Variants in SYNE2 observed in about 807,000 individuals in gnomAD.
The protein encoded by SYNE2 is nesprin-2.
SYNE2 carries 431 observed loss-of-function variants against 856.3 expected under a neutral mutation model. The ratio of observed to expected loss-of-function variants is 0.50; its 90% CI spans 0.47 to 0.55. The LOEUF is 0.55. Ranked by LOEUF, SYNE2 falls within the 20% of genes least tolerant of loss-of-function variation. The probability of loss-of-function intolerance (pLI) is 0.00; values close to 1 mark genes in which losing one functional copy is unlikely to be tolerated. For missense variants in SYNE2, 8,129 were observed against 8,023.2 expected (o/e 1.01, Z -0.50); for synonymous variants, 2,923 against 2,872.3 (o/e 1.02, Z -0.56).
At chr14:63,839,241 G>A (rs758672232) in intron 1 of SYNE2, among the ~76,000 whole-genome samples, 2 of 151,870 alleles carry the variant, frequency 1.3e-5, no homozygotes, top group Non-Finnish European at 2.9e-5. Flanking sequence ...GTGTTAGCCA[G>A]GATGTTCTCC....
At chr14:64,129,454 CTGTT>C (rs2097989110) in intron 74 of SYNE2, among the ~76,000 whole-genome samples, 1 of 152,154 alleles carries the variant, frequency 6.6e-6, no homozygotes, top group South Asian at 2.1e-4. Flanking sequence ...TGCTGTGTGT[CTGTT>C]TCGAAGGAGC....
At chr14:63,962,555 C>CT (rs2096334361) in intron 9 of SYNE2, among the ~76,000 whole-genome samples, 1 of 152,160 alleles carries the variant, frequency 6.6e-6, no homozygotes, top group African/African-American at 2.4e-5. Context: ...TTGTGTGATT[C>CT]ATATAAATGA....
rs372207975 is a variant in SYNE2 at position 64,106,439 on chromosome 14, G to A, written c.12493-1052G>A. On this transcript the variant is annotated intron_variant, in intron 64 of 115. Transcript: ENST00000555002. ...CCGAGGCGAGTGGATCACGAGGTCA[G>A]GAGATCAAGATCATCCTGGCTAAAA... Among the ~76,000 whole-genome samples, 28 of 152,314 alleles carry A rather than the reference G, an allele frequency of 1.8e-4. 1 individual carries two copies. The highest frequency in any genetic ancestry group is 3.4e-3 in the Middle Eastern group (1 of 294).
chr14:64,159,626 A>C (rs967865721), intron 87 of SYNE2, among the ~76,000 whole-genome samples, 184 bp downstream of exon 87: 7 of 152,302 alleles, frequency 4.6e-5, no homozygotes, highest in Non-Finnish European at 8.8e-5. Context: ...GGGCTGTGAC[A>C]TCCCTTGTAC....
chr14:63,997,430 A>C lies in SYNE2; in HGVS notation c.3243+39A>C, dbSNP rs747742431. On this transcript the variant is annotated intron_variant, in intron 25 of 115. Transcript: ENST00000555002. ...ATAATGTATTTTAGAAGTAAACCCA[A>C]AGTAAAAGACCAAGTGTACAATAAT... 4.1e-6 allele frequency: 6 copies of C among 1,472,354 alleles called. 1 individual carries two copies. The South Asian group carries it at 7.1e-5, about 17-fold the overall frequency. The allele number at this position is 1,472,354 out of a possible 1,614,324, so 91.2% of individuals were successfully genotyped here.
At chr14:63,974,852 A>ATGTGTGTG (rs1289413090) in intron 11 of SYNE2, among the ~76,000 whole-genome samples, 18 of 78,992 alleles carry the variant, frequency 2.3e-4, no homozygotes, top group South Asian at 6.1e-4. Flanking sequence ...GTGTGTGTAC[A>ATGTGTGTG]TGTGTGTGTG....
chr14:64,113,274 C>G (rs749585902), intron 65 of SYNE2, 67 bp from the exon 66 acceptor site: 171 of 1,610,514 alleles, frequency 1.1e-4, no homozygotes, highest in Non-Finnish European at 1.4e-4. Context: ...GTTGCAGGTT[C>G]CCAGGTCTTT....
At chr14:63,977,465 G>A (rs1319593712) in intron 12 of SYNE2, among the ~76,000 whole-genome samples, 1 of 152,172 alleles carries the variant, frequency 6.6e-6, no homozygotes, top group Non-Finnish European at 1.5e-5. Flanking sequence ...GCCCACCTCG[G>A]CCTCCCATAG....
At chr14:63,872,877 G>A (rs1201016729) in intron 1 of SYNE2, among the ~76,000 whole-genome samples, 2 of 151,672 alleles carry the variant, frequency 1.3e-5, no homozygotes, top group African/African-American at 2.4e-5. Flanking sequence ...ATCCGTCTTG[G>A]TATATATGTA....
At chr14:63,846,917 C>T (rs539032863) in intron 1 of SYNE2, among the ~76,000 whole-genome samples, 11 of 151,794 alleles carry the variant, frequency 7.2e-5, no homozygotes, top group African/African-American at 2.4e-4. Context: ...TTTAAAATTT[C>T]CAGGTGGAAA....
intron 2 of SYNE2, among the ~76,000 whole-genome samples, chr14:63,933,397 A>T (rs1383680842): frequency 6.6e-6 from 1 of 152,074 alleles, no homozygotes. Flanking sequence ...AATTAGCTTA[A>T]CTCACTTTGC....
rs143869192 is a variant in SYNE2, at chr14:63,874,974, CAG to C, written c.-52+21835_-52+21836del. Reference sequence around the variant, plus strand: ...ATCACTAGGAGACAAGCAGAGTTCTCAGAGATGGTGTCATCTAAATTAATTTT... The same window carrying C: ...ATCACTAGGAGACAAGCAGAGTTCTCAGATGGTGTCATCTAAATTAATTTT... On this transcript the variant is annotated intron_variant, in intron 1 of 115. Coordinates refer to ENST00000555002, the MANE Select transcript of SYNE2 (RefSeq NM_182914.3). 1.1e-3 allele frequency among the ~76,000 whole-genome samples: 173 copies of C among 152,152 alleles called. 2 individuals carry two copies. In the South Asian group the frequency reaches 0.017, roughly 15 times the overall value.
rs752181954 is a variant in SYNE2 at position 63,978,860 on chromosome 14, A to C, written c.1415A>C (p.Asn472Thr). 2 of 1,612,506 alleles carry C rather than the reference A, an allele frequency of 1.2e-6. No individual in the cohort carries two copies. Among genetic ancestry groups the C allele is most frequent in the Non-Finnish European group, 1.7e-6 (2 of 1,178,998 alleles). Residue 472 changes from asparagine to threonine, a missense_variant, in exon 14 of 116, where the codon AAC becomes ACC. Asn to Thr is a moderately conservative substitution (Grantham distance 65, BLOSUM62 0). This residue lies in a region of SYNE2 where 2,422 missense variants were observed against 2,357.4 expected (regional missense o/e 1.03). Transcript: ENST00000555002. ...CCTGCACTGTTTTCCAGAATCAACA[A>C]CATTTTGGAGAAAAAATTTATTCTA... ...KLEEMKRRIN[N>T]ILEKKFILLL...
Position 64,061,579 on chromosome 14 carries a change from C to T in SYNE2, c.10068-1172C>T, listed in dbSNP as rs115115996. 4.3e-3 allele frequency among the ~76,000 whole-genome samples: 657 copies of T among 152,222 alleles called. 1 individual carries two copies. The highest frequency in any genetic ancestry group is 0.015 in the African/African-American group (629 of 41,558). ...TGATGAGTAAGAAGAGGTATTTCATCGTGGTTTTAATTTGCACTTCTGTTA... is the reference window on the plus strand; with the variant it reads ...TGATGAGTAAGAAGAGGTATTTCATTGTGGTTTTAATTTGCACTTCTGTTA... On this transcript the variant is annotated intron_variant, in intron 49 of 115. Coordinates refer to ENST00000555002, the MANE Select transcript of SYNE2 (RefSeq NM_182914.3).
chr14:64,181,409 G>C (rs937731776), intron 96 of SYNE2, among the ~76,000 whole-genome samples: 1 of 152,174 alleles, frequency 6.6e-6, no homozygotes, highest in Non-Finnish European at 1.5e-5. Flanking sequence ...ATAAGGTCTA[G>C]AAACCTGTGC....
intron 2 of SYNE2, among the ~76,000 whole-genome samples, chr14:63,933,730 G>T (rs1353157124): frequency 6.6e-6 from 1 of 152,134 alleles, no homozygotes; most frequent in African/African-American, 2.4e-5. Context: ...GTAGTAGATT[G>T]TATTATTCTC....
At chr14:63,946,758 G>T (rs1227985695) in intron 6 of SYNE2, among the ~76,000 whole-genome samples, 1 of 151,024 alleles carries the variant, frequency 6.6e-6, no homozygotes, top group Non-Finnish European at 1.5e-5. Context: ...TTCTGACTCT[G>T]TGGCTTGCTT....
At chr14:63,848,185 C>G (rs1566605171), upstream of SYNE2, 1 of 152,210 alleles carries the variant, frequency 6.6e-6, no homozygotes, top group Admixed American at 6.5e-5. Flanking sequence ...CCTCGTCTGG[C>G]CCTTTCTGTA....
chr14:64,118,241 G>A (rs2153662944), intron 66 of SYNE2, among the ~76,000 whole-genome samples: 1 of 152,300 alleles, frequency 6.6e-6, no homozygotes, highest in South Asian at 2.1e-4. Context: ...CTGCTGACGT[G>A]AGTGCCCAGC....
Sources: gnomAD v4.1 joint callset for allele counts (sites outside exome capture counted in the v4.1 genomes callset) on GRCh38, gnomAD v4.1.1 for gene constraint, gnomAD v4.1.1 regional missense constraint, MANE v1.5 for transcripts, NCBI Gene and HGNC (gene_info 2026-07-23, HGNC 2026-07-21) for gene names.